Variants in ZNF536 observed in about 807,000 individuals in gnomAD.
ZNF536 encodes zinc finger protein 536.
ZNF536 carries 13 observed loss-of-function variants against 84.5 expected under a neutral mutation model. The observed-to-expected ratio is 0.15, with a 90% CI of 0.10 to 0.24. The LOEUF is 0.24. ZNF536 is among the 10% of genes least tolerant of loss of function. The pLI is 1.00. For missense variants in ZNF536, 1,536 were observed against 1,747.5 expected, an observed-to-expected ratio of 0.88 and a Z score of 2.16; for synonymous variants, 811 against 742.5, an observed-to-expected ratio of 1.09 and a Z score of -1.50.
chr19:30,512,526 C>T (rs1361991592), intron 2 of ZNF536, among the ~76,000 whole-genome samples: 1 of 151,524 alleles, frequency 6.6e-6, no homozygotes, highest in East Asian at 1.9e-4. Context: ...AAGCATAATG[C>T]ATTATATTTA....
At chr19:30,225,689 G>C (rs1474314439), upstream of ZNF536, among the ~76,000 whole-genome samples, 1 of 147,750 alleles carries the variant, frequency 6.8e-6, no homozygotes, top group East Asian at 2.0e-4. Context: ...AACAAAGGTG[G>C]GGGGGGGATC....
chr19:30,226,673 G>A (rs2022632524), upstream of ZNF536, among the ~76,000 whole-genome samples: 1 of 152,116 alleles, frequency 6.6e-6, no homozygotes, highest in African/African-American at 2.4e-5. The surrounding 1 kb of genome is among the most constrained non-coding windows in gnomAD (Gnocchi z 4.6). Flanking sequence ...GGCCAAAGAG[G>A]AAATAAATAA....
At chr19:30,609,777 T>TCCATCCAA (rs1650582367) in intron 1 of ZNF536, among the ~76,000 whole-genome samples, 1 of 149,298 alleles carries the variant, frequency 6.7e-6, no homozygotes, top group South Asian at 2.2e-4. Context: ...CATCTACCCA[T>TCCATCCAA]CCATCCATCC....
intron 1 of ZNF536, among the ~76,000 whole-genome samples, chr19:30,563,614 T>C (rs2046250848): frequency 6.6e-6 from 1 of 152,168 alleles, no homozygotes; most frequent in Non-Finnish European, 1.5e-5. Context: ...AATGATCACC[T>C]CTAATTTGCA....
intron 1 of ZNF536, among the ~76,000 whole-genome samples, chr19:30,277,356 C>T (rs180806139): frequency 2.0e-5 from 3 of 152,222 alleles, no homozygotes; most frequent in East Asian, 1.9e-4. Context: ...GAGGAAGCCT[C>T]TCCACTCCTC....
intron 1 of ZNF536, among the ~76,000 whole-genome samples, chr19:30,614,274 A>G (rs1010518041): frequency 4.6e-5 from 7 of 152,190 alleles, no homozygotes; most frequent in Admixed American, 1.3e-4. Context: ...TAATGGCAAA[A>G]TTAATAATAA....
chr19:30,293,776 T>C (rs1387648235), intron 2 of ZNF536, among the ~76,000 whole-genome samples: 2 of 152,186 alleles, frequency 1.3e-5, no homozygotes, highest in Non-Finnish European at 2.9e-5. Flanking sequence ...AGTTTGCATT[T>C]CATCCTTGAA....
chr19:30,275,116 G>T (rs2026058251), intron 1 of ZNF536, among the ~76,000 whole-genome samples: 1 of 152,168 alleles, frequency 6.6e-6, no homozygotes, highest in South Asian at 2.1e-4. Flanking sequence ...AAGACATTGG[G>T]TGGAGCGAGG....
intron 3 of ZNF536, among the ~76,000 whole-genome samples, chr19:30,363,122 C>T (rs1339136944): frequency 3.9e-5 from 6 of 152,152 alleles, no homozygotes; most frequent in Non-Finnish European, 4.4e-5. Flanking sequence ...ACGTGGCTCT[C>T]GTGCAGCAGG....
intron 1 of ZNF536, among the ~76,000 whole-genome samples, chr19:30,691,985 G>A (rs2051430328): frequency 6.6e-6 from 1 of 152,224 alleles, no homozygotes; most frequent in African/African-American, 2.4e-5. Context: ...AGAGACCGGG[G>A]GTCTTTGTCT....
chr19:30,652,908 C>T (rs925051347), intron 1 of ZNF536, among the ~76,000 whole-genome samples: 3 of 152,134 alleles, frequency 2.0e-5, no homozygotes, highest in Non-Finnish European at 2.9e-5. Flanking sequence ...TCTTACTCCC[C>T]GTGTGGGCAG....
In ZNF536 at chr19:30,357,051, T is replaced by C. The variant is rs1411134162; in HGVS notation, c.-3+4567T>C. ...AAGGGCCCTGTCCTCAGAGGACTGA[T>C]AATATGGGCGTTGAGGGTGGGGAGC... On this transcript the variant is annotated intron_variant, in intron 3 of 5. Coordinates refer to the ZNF536 transcript ENST00000585628. Among the ~76,000 whole-genome samples, 3 of 152,208 alleles carry C rather than the reference T, an allele frequency of 2.0e-5. No individual in the cohort carries two copies. In the East Asian group the frequency reaches 5.8e-4, roughly 29 times the overall value.
rs2045991511 is a variant in ZNF536, at chr19:30,557,055, T to A, written c.3896-102T>A. 4.0e-6 allele frequency: 5 copies of A among 1,264,066 alleles called. No individual in the cohort carries two copies. In the Admixed American group the frequency reaches 9.6e-5, roughly 24 times the overall value. The allele number at this position is 1,264,066 out of a possible 1,614,324, so 78.3% of individuals were successfully genotyped here. ...TATAAATAACACTTTATTGTCATTA[T>A]TCCATTAAACGATTAGGGGATGTGG... On this transcript the variant is annotated intron_variant, in intron 4 of 4. Coordinates refer to ENST00000355537, the MANE Select transcript of ZNF536 (RefSeq NM_014717.3).
intron 1 of ZNF536, among the ~76,000 whole-genome samples, chr19:30,388,804 G>A (rs1274675513): frequency 6.6e-6 from 1 of 152,216 alleles, no homozygotes; most frequent in African/African-American, 2.4e-5. Context: ...CCAATGGGAA[G>A]ACAGAGAGAG....
At chr19:30,588,683 T>A (rs957861831) in intron 1 of ZNF536, among the ~76,000 whole-genome samples, 3 of 152,156 alleles carry the variant, frequency 2.0e-5, no homozygotes, top group African/African-American at 7.2e-5. Context: ...AGAGAGAAGG[T>A]CTTAGGCCCA....
chr19:30,711,373 A>G (rs2144796587), exon 2 of ZNF536: 1 of 152,310 alleles, frequency 6.6e-6, no homozygotes, highest in Non-Finnish European at 1.5e-5. Context: ...TAAACGATTT[A>G]GTGTTGCGTT....
At chr19:30,403,395 G>C (rs1357968649) in intron 1 of ZNF536, among the ~76,000 whole-genome samples, 1 of 152,188 alleles carries the variant, frequency 6.6e-6, no homozygotes, top group African/African-American at 2.4e-5. Context: ...GAGAGCCAAA[G>C]GTCAAAGGCT....
intron 1 of ZNF536, among the ~76,000 whole-genome samples, chr19:30,686,683 T>A (rs972788319): frequency 6.6e-6 from 1 of 152,160 alleles, no homozygotes; most frequent in Non-Finnish European, 1.5e-5. Context: ...GCGCGCGTCT[T>A]CATGTCATCC....
At chr19:30,291,690 C>T (rs1352623174) in intron 2 of ZNF536, among the ~76,000 whole-genome samples, 2 of 152,206 alleles carry the variant, frequency 1.3e-5, no homozygotes, top group African/African-American at 4.8e-5. Flanking sequence ...CACCATTTGG[C>T]ATTTCTGCCA....
Sources: gnomAD v4.1 joint callset for allele counts (sites outside exome capture counted in the v4.1 genomes callset) on GRCh38, gnomAD v4.1.1 for gene constraint, Gnocchi (gnomAD v3.1) non-coding constraint, MANE v1.5 for transcripts, NCBI Gene and HGNC (gene_info 2026-07-23, HGNC 2026-07-21) for gene names.